Variants in DLGAP2 observed in about 807,000 individuals in gnomAD.
The protein encoded by DLGAP2 is DLG associated protein 2, also known as disks large-associated protein 2.
Under a neutral mutation model 100.3 loss-of-function variants are expected in DLGAP2, and 26 were observed. That is an observed-to-expected ratio of 0.26 (90% CI 0.19 to 0.36). The LOEUF is 0.36. DLGAP2 is among the 10% of genes least tolerant of loss of function. DLGAP2 has a pLI of 1.00. For missense variants in DLGAP2, 1,858 were observed against 1,453.2 expected (o/e 1.28, Z -4.53); for synonymous variants, 886 against 630.1 (o/e 1.41, Z -6.08).
chr8:1,340,154 AC>A (rs1801386592), intron 3 of DLGAP2, among the ~76,000 whole-genome samples: 1 of 152,360 alleles, frequency 6.6e-6, no homozygotes, highest in African/African-American at 2.4e-5. Flanking sequence ...CCTAGGCAGT[AC>A]CATTCTGGAC....
At chr8:1,567,393 G>A (rs1802445954) in intron 6 of DLGAP2, among the ~76,000 whole-genome samples, 1 of 152,192 alleles carries the variant, frequency 6.6e-6, no homozygotes, top group South Asian at 2.1e-4. Context: ...GGACCCCCAG[G>A]TAAACAGCCA....
intron 6 of DLGAP2, among the ~76,000 whole-genome samples, chr8:1,583,491 C>T (rs776654344): frequency 2.6e-5 from 4 of 152,140 alleles, no homozygotes; most frequent in South Asian, 2.1e-4. Context: ...AGGCAGGGAG[C>T]GTCGGGGCTG....
intron 2 of DLGAP2, among the ~76,000 whole-genome samples, chr8:1,134,215 C>T (rs931725039): frequency 6.6e-6 from 1 of 152,084 alleles, no homozygotes; most frequent in Non-Finnish European, 1.5e-5. Context: ...ATACATGTAC[C>T]ACATTTTCTT....
intron 3 of DLGAP2, among the ~76,000 whole-genome samples, chr8:1,332,858 G>C (rs910969394): frequency 6.6e-6 from 1 of 152,190 alleles, no homozygotes; most frequent in Admixed American, 6.5e-5. Flanking sequence ...GCTTCTTGCT[G>C]GGTGCAGCAG....
intron 1 of DLGAP2, among the ~76,000 whole-genome samples, chr8:772,002 A>C (rs1482777575): frequency 2.0e-5 from 3 of 152,126 alleles, no homozygotes; most frequent in Admixed American, 6.5e-5. Flanking sequence ...TCCTGGACTC[A>C]AGCGATCCTC....
intron 3 of DLGAP2, among the ~76,000 whole-genome samples, chr8:1,312,954 C>G (rs1291773777): frequency 6.6e-6 from 1 of 152,214 alleles, no homozygotes; most frequent in South Asian, 2.1e-4. Flanking sequence ...ATGGCCTGAT[C>G]TCAAAGATAG....
chr8:1,682,654 A>G (rs1204309969), intron 12 of DLGAP2, among the ~76,000 whole-genome samples: 2 of 151,360 alleles, frequency 1.3e-5, no homozygotes, highest in Non-Finnish European at 3.0e-5. Flanking sequence ...TTGTATTTTT[A>G]GTAGAGATGG....
At position 1,702,438 on chromosome 8, in the gene DLGAP2, T is replaced by C. The variant is rs1799600437; in HGVS notation, c.*1032T>C. The C allele has an allele frequency of 6.6e-6, 1 of 152,626 alleles. No individual in the cohort carries two copies. The highest frequency in any genetic ancestry group is 2.4e-5 in the African/African-American group (1 of 41,446). 9.5% of individuals were successfully genotyped at this position (152,626 alleles called of 1,614,324 possible). A position where few individuals can be genotyped will look rare whatever the true frequency, so the allele number is the denominator to read the frequency against. On this transcript the variant is annotated 3_prime_UTR_variant, in exon 15 of 15. Transcript: ENST00000637795. ...TGTGATGTAAAAAGTTTAAGAAATATGAATGTGAGTGGTAAGTATATCTCA... is the reference window on the plus strand; with the variant it reads ...TGTGATGTAAAAAGTTTAAGAAATACGAATGTGAGTGGTAAGTATATCTCA...
intron 2 of DLGAP2, among the ~76,000 whole-genome samples, chr8:979,631 A>G (rs1800272077): frequency 6.6e-6 from 1 of 152,250 alleles, no homozygotes; most frequent in African/African-American, 2.4e-5. Context: ...CTACTTTGAA[A>G]TGAGAACTGC....
intron 1 of DLGAP2, among the ~76,000 whole-genome samples, chr8:770,590 G>A (rs1221329554): frequency 6.6e-6 from 1 of 152,114 alleles, no homozygotes; most frequent in African/African-American, 2.4e-5. Flanking sequence ...GTTTCTGTGG[G>A]CTCCGAACAA....
intron 2 of DLGAP2, among the ~76,000 whole-genome samples, chr8:990,232 G>C (rs893162401): frequency 1.3e-5 from 2 of 151,878 alleles, no homozygotes; most frequent in Non-Finnish European, 2.9e-5. Context: ...TATTTGTGTC[G>C]TGATGTTGCC....
Position 1,180,832 on chromosome 8 carries a change from G to A in DLGAP2, c.74-78019G>A, listed in dbSNP as rs534347541. On this transcript the variant is annotated intron_variant, in intron 2 of 14. Coordinates refer to ENST00000637795, the MANE Select transcript of DLGAP2 (RefSeq NM_001346810.2). ...TTACCGTTGAGTGTGTGTGGTGCACGTCCTGTGCAAGGGCAGTACACTTAC... is the reference window on the plus strand; with the variant it reads ...TTACCGTTGAGTGTGTGTGGTGCACATCCTGTGCAAGGGCAGTACACTTAC... 2.7e-5 allele frequency among the ~76,000 whole-genome samples: 4 copies of A among 150,110 alleles called. 1 individual carries two copies. Among genetic ancestry groups the A allele is most frequent in the East Asian group, 2.0e-4 (1 of 4,974 alleles).
chr8:1,329,397 T>G (rs1364661937), intron 3 of DLGAP2, among the ~76,000 whole-genome samples: 1 of 152,228 alleles, frequency 6.6e-6, no homozygotes, highest in Admixed American at 6.5e-5. Context: ...AATTAATTGG[T>G]TAGATTCAGC....
intron 10 of DLGAP2, among the ~76,000 whole-genome samples, chr8:1,674,178 C>T (rs73547752): frequency 0.091 from 13,905 of 152,236 alleles, 860 homozygotes; most frequent in African/African-American, 0.18. Flanking sequence ...CTCAGCCTCC[C>T]GAGTAGCTTG....
chr8:977,261 T>G (rs1243856018), intron 2 of DLGAP2, among the ~76,000 whole-genome samples: 1 of 152,204 alleles, frequency 6.6e-6, no homozygotes, highest in Non-Finnish European at 1.5e-5. Flanking sequence ...CTAAAGGCAA[T>G]GAGAAAATGA....
At chr8:1,470,589 G>A (rs985926095) in intron 3 of DLGAP2, among the ~76,000 whole-genome samples, 1 of 152,148 alleles carries the variant, frequency 6.6e-6, no homozygotes, top group Non-Finnish European at 1.5e-5. Context: ...AATATTTGAT[G>A]TTTGACTAAA....
chr8:1,348,985 A>G (rs138952705), intron 3 of DLGAP2, among the ~76,000 whole-genome samples: 3 of 152,146 alleles, frequency 2.0e-5, no homozygotes, highest in Admixed American at 6.5e-5. Flanking sequence ...ATTTTTAAAT[A>G]TTCTTAGCAT....
chr8:1,681,976 G>A (rs1261993450), intron 12 of DLGAP2, among the ~76,000 whole-genome samples: 3 of 143,014 alleles, frequency 2.1e-5, no homozygotes, highest in Non-Finnish European at 4.4e-5. Flanking sequence ...TGGGAGTCAC[G>A]GCCCTCTGAC....
chr8:1,344,683 C>T (rs938303567), intron 3 of DLGAP2, among the ~76,000 whole-genome samples: 6 of 152,256 alleles, frequency 3.9e-5, no homozygotes, highest in African/African-American at 1.4e-4. Context: ...CTCAGTCTCC[C>T]GCGCTCCTCC....
Sources: gnomAD v4.1 joint callset for allele counts (sites outside exome capture counted in the v4.1 genomes callset) on GRCh38, gnomAD v4.1.1 for gene constraint, MANE v1.5 for transcripts, NCBI Gene and HGNC (gene_info 2026-07-23, HGNC 2026-07-21) for gene names.